NDUFS1: variants seen among roughly 807,000 people sequenced by gnomAD.
NDUFS1 encodes the protein NADH:ubiquinone oxidoreductase core subunit S1, also known as NADH-ubiquinone oxidoreductase 75 kDa subunit, mitochondrial.
In NDUFS1, 61 loss-of-function variants were observed where a neutral mutation model predicts 84.4. The observed-to-expected ratio is 0.72, with a 90% confidence interval of 0.59 to 0.89. The LOEUF is 0.89. NDUFS1 is among the 40% of genes least tolerant of loss of function. The pLI is 0.00. For synonymous variants in NDUFS1, 275 were observed against 290.0 expected, an observed-to-expected ratio of 0.95 and a Z score of 0.53; for missense variants, 891 against 890.0, an observed-to-expected ratio of 1.00 and a Z score of -0.01.
rs558127027 is a variant in NDUFS1, at chr2:206,158,268, A to T, written c.-5+1073T>A. ...TGAGCCACCGCCTCCGGCCTTCAATAGCTTAACAGGTCACCAAGCTTCCAC... is the reference window on the plus strand; with the variant it reads ...TGAGCCACCGCCTCCGGCCTTCAATTGCTTAACAGGTCACCAAGCTTCCAC... On this transcript the variant is annotated intron_variant, in intron 1 of 18. Transcript: ENST00000233190. 3.3e-5 allele frequency among the ~76,000 whole-genome samples: 5 copies of T among 152,182 alleles called. No homozygotes were observed. The East Asian group carries it at 7.7e-4, about 24-fold the overall frequency.
rs372283660 is a variant in NDUFS1, at chr2:206,126,662, C to A, written c.2019+48G>T. 7 of 1,613,824 alleles carry A rather than the reference C, an allele frequency of 4.3e-6. No individual in the cohort carries two copies. The African/African-American group carries it at 6.7e-5, about 15-fold the overall frequency. On this transcript the variant is annotated intron_variant, in intron 17 of 18. Transcript: ENST00000233190. ...ATAATATGGAAAACTAGTACTGTTA[C>A]ACCAGTAGATACAACATTATGAAAA...
At position 206,116,075 on chromosome 2, in the gene NDUFS1, G is replaced by T; in HGVS notation, c.*8110C>A. 9.6e-7 allele frequency: 1 copy of T among 1,046,922 alleles called. No individual in the cohort carries two copies. Among genetic ancestry groups the T allele is most frequent in the Non-Finnish European group, 1.5e-6 (1 of 663,668 alleles). 64.9% of individuals were successfully genotyped at this position (1,046,922 alleles called of 1,614,324 possible). On this transcript the variant is annotated 3_prime_UTR_variant, in exon 19 of 19. Coordinates refer to ENST00000233190, the MANE Select transcript of NDUFS1 (RefSeq NM_005006.7). ...ATTTAGGACAACTCTGCTGGGTTGCGTTATTTCATACTAGCTTATTTAGTG... is the reference window on the plus strand; with the variant it reads ...ATTTAGGACAACTCTGCTGGGTTGCTTTATTTCATACTAGCTTATTTAGTG...
At chr2:206,137,782 A>G (rs1250911522) in intron 13 of NDUFS1, among the ~76,000 whole-genome samples, 1 of 152,226 alleles carries the variant, frequency 6.6e-6, no homozygotes, top group Non-Finnish European at 1.5e-5. Context: ...CCTCAGAAAC[A>G]AAAATAGAAG....
chr2:206,127,864 G>C lies in NDUFS1; in HGVS notation c.1817C>G (p.Thr606Ser), dbSNP rs1559042878. 3.1e-6 allele frequency: 5 copies of C among 1,613,940 alleles called. No individual in the cohort carries two copies. The highest frequency in any genetic ancestry group is 3.4e-6 in the Non-Finnish European group (4 of 1,180,026). ...GCCAGGAGGTGTCACTGCTACCTTA[G>C]TCTGCTGAGCTCTACCCTCAGTGTT... ...YVNTEGRAQQ[T>S]KVAVTPPGLA... The change falls in exon 16 of 19, where the codon ACT becomes AGT. Residue 606 changes from threonine (T) to serine (S), a missense_variant. By Grantham distance (58) the Thr-to-Ser change is moderately conservative. Transcript: ENST00000233190.
intron 14 of NDUFS1, among the ~76,000 whole-genome samples, chr2:206,132,446 T>C (rs1396345769): frequency 2.6e-5 from 4 of 152,114 alleles, no homozygotes; most frequent in African/African-American, 9.7e-5. Flanking sequence ...GCTGGGCATG[T>C]GGCATGCGCC....
chr2:206,144,355 C>T (rs1003435338), intron 9 of NDUFS1, among the ~76,000 whole-genome samples: 7 of 152,134 alleles, frequency 4.6e-5, no homozygotes, highest in Admixed American at 4.6e-4. Flanking sequence ...TTGATTTCTT[C>T]CCTTAAATCA....
chr2:206,147,495 AT>A (rs1443355027), intron 7 of NDUFS1, 35 bp downstream of exon 7: 1 of 1,569,272 alleles, frequency 6.4e-7, no homozygotes, highest in African/African-American at 1.4e-5. Context: ...GTATACAATT[AT>A]ATTCTATAAT....
rs970040740 is a variant in NDUFS1, at chr2:206,121,960, G to C, written c.*2225C>G. The C allele has an allele frequency of 2.6e-5, 4 of 152,162 alleles. No individual in the cohort carries two copies. The highest frequency in any genetic ancestry group is 9.7e-5 in the African/African-American group (4 of 41,438). 9.4% of individuals were successfully genotyped at this position (152,162 alleles called of 1,614,324 possible). ...ACTATGTCCCCTCAAGATGAGCACA[G>C]TGCTAAGAGGTAAGAGATGGGAAGT... On this transcript the variant is annotated 3_prime_UTR_variant, in exon 19 of 19. Transcript: ENST00000233190.
chr2:206,138,221 G>C (rs1309953436), intron 13 of NDUFS1, among the ~76,000 whole-genome samples: 3 of 152,142 alleles, frequency 2.0e-5, no homozygotes, highest in Non-Finnish European at 4.4e-5. Context: ...CTCCCAAGTA[G>C]CTGATACTAC....
chr2:206,155,598 A>G (rs1687617985), intron 1 of NDUFS1, among the ~76,000 whole-genome samples: 1 of 151,774 alleles, frequency 6.6e-6, no homozygotes, highest in South Asian at 2.1e-4. Flanking sequence ...TTGTATTTTT[A>G]GTAGAGACAG....
chr2:206,132,080 A>G (rs7585395), intron 14 of NDUFS1, among the ~76,000 whole-genome samples: 83,622 of 151,784 alleles, frequency 0.55, 24,425 homozygotes, highest in African/African-American at 0.75. Context: ...AGCCAAGATC[A>G]TGCCACTGTA....
In NDUFS1 at chr2:206,131,632, T is replaced by A. The variant is rs1015655978; in HGVS notation, c.1553+1313A>T. On this transcript the variant is annotated intron_variant, in intron 14 of 18. Transcript: ENST00000233190. The stretch of plus-strand genomic sequence containing the variant: ...GCCTGGCGAACATGGTGAAATCCCA[T>A]CTCTACTAAAAACAAAAAAATTAGG... 8.8e-4 allele frequency among the ~76,000 whole-genome samples: 134 copies of A among 151,846 alleles called. 1 individual carries two copies. Among genetic ancestry groups the A allele is most frequent in the Non-Finnish European group, 1.9e-4 (13 of 67,942 alleles).
chr2:206,134,810 T>C (rs1053530027), intron 13 of NDUFS1, among the ~76,000 whole-genome samples: 29 of 151,304 alleles, frequency 1.9e-4, no homozygotes, highest in Non-Finnish European at 3.7e-4. Flanking sequence ...GCCCCATCTA[T>C]ACAAAAAAAT....
rs375475783 is a variant in NDUFS1 at position 206,133,104 on chromosome 2, A to T, written c.1394T>A (p.Val465Asp). 7 of 1,599,790 alleles carry T rather than the reference A, an allele frequency of 4.4e-6. No individual in the cohort carries two copies. The highest frequency in any genetic ancestry group is 6.0e-6 in the Non-Finnish European group (7 of 1,173,784). ...IASGSHPFSQ[V>D]LKEAKKPMVV... ...CATTGGTTTTTTAGCTTCCTTTAGG[A>T]CCTATTTAAAAAAAAAAACAACTTT... The change falls in exon 14 of 19, where the codon GTC (valine) becomes GAC (aspartate). Residue 465 changes from valine to aspartate, a missense_variant and splice_region_variant. By Grantham distance (152) the Val-to-Asp change is radical. Transcript: ENST00000233190.
rs767068886 is a variant in NDUFS1 at position 206,133,114 on chromosome 2, A to T, written c.1393-9T>A. On this transcript the variant is annotated splice_polypyrimidine_tract_variant and intron_variant, in intron 13 of 18. Coordinates refer to ENST00000233190, the MANE Select transcript of NDUFS1 (RefSeq NM_005006.7). ...TTAGCTTCCTTTAGGACCTATTTAA[A>T]AAAAAAAACAACTTTGATTTTAAAA... 1 of 1,593,142 alleles carries T rather than the reference A, an allele frequency of 6.3e-7. No individual in the cohort carries two copies. The highest frequency in any genetic ancestry group is 1.1e-5 in the South Asian group (1 of 87,170).
chr2:206,127,599 G>T, intron 16 of NDUFS1, 198 bp downstream of exon 16: 1 of 589,994 alleles, frequency 1.7e-6, no homozygotes, highest in Non-Finnish European at 3.0e-6. Context: ...TGTCCCTCAG[G>T]CTGGAGTGCA....
At position 206,115,781 on chromosome 2, in the gene NDUFS1, T is replaced by G; in HGVS notation, c.*8404A>C. Reference sequence around the variant, plus strand: ...GTATGGACATACACAAGTTACAATATTATATAAGGCTTAAGAATAACAACA... The same window carrying G: ...GTATGGACATACACAAGTTACAATAGTATATAAGGCTTAAGAATAACAACA... On this transcript the variant is annotated 3_prime_UTR_variant, in exon 19 of 19. Coordinates refer to ENST00000233190, the MANE Select transcript of NDUFS1 (RefSeq NM_005006.7). 2.5e-6 allele frequency: 1 copy of G among 396,656 alleles called. No homozygotes were observed. Among genetic ancestry groups the G allele is most frequent in the Non-Finnish European group, 4.8e-6 (1 of 208,634 alleles). The allele number at this position is 396,656 out of a possible 1,614,324, so 24.6% of individuals were successfully genotyped here.
chr2:206,115,805 C>T lies in NDUFS1; in HGVS notation c.*8380G>A, dbSNP rs1192987484. 2.7e-5 allele frequency: 11 copies of T among 411,754 alleles called. No homozygotes were observed. The East Asian group carries it at 4.9e-4, about 18-fold the overall frequency. 25.5% of individuals were successfully genotyped at this position (411,754 alleles called of 1,614,324 possible). ...ATTATATAAGGCTTAAGAATAACAA[C>T]ATTATCTTTGAATTATGTAATTTTT... is the stretch of plus-strand genomic sequence containing the variant. On this transcript the variant is annotated 3_prime_UTR_variant, in exon 19 of 19. Coordinates refer to ENST00000233190, the MANE Select transcript of NDUFS1 (RefSeq NM_005006.7).
At chr2:206,126,466 A>G (rs1225942544) in intron 18 of NDUFS1, 73 bp downstream of exon 18, 6 of 1,367,748 alleles carry the variant, frequency 4.4e-6, no homozygotes, top group Non-Finnish European at 5.2e-6. Flanking sequence ...AATTGGAATT[A>G]TAACACCAAA....
Sources: allele counts gnomAD v4.1 joint callset (sites outside exome capture counted in the v4.1 genomes callset), GRCh38; gene constraint gnomAD v4.1.1; transcripts MANE v1.5; gene names NCBI Gene and HGNC (gene_info 2026-07-23, HGNC 2026-07-21).